Variants in SYT17 observed in about 807,000 individuals in gnomAD.
SYT17 encodes synaptotagmin-17.
SYT17 carries 22 observed loss-of-function variants against 46.7 expected under a neutral mutation model. The ratio of observed to expected loss-of-function variants is 0.47; its 90% confidence interval spans 0.34 to 0.67. SYT17 has a LOEUF of 0.67. Ranked by LOEUF, SYT17 falls within the 30% of genes least tolerant of loss-of-function variation. The pLI is 0.01. For synonymous variants in SYT17, 251 were observed against 248.4 expected, an observed-to-expected ratio of 1.01 and a Z score of -0.10; for missense variants, 519 against 612.8, an observed-to-expected ratio of 0.85 and a Z score of 1.62.
At chr16:19,248,109 A>T (rs1057358296) in intron 7 of SYT17, among the ~76,000 whole-genome samples, 2 of 152,230 alleles carry the variant, frequency 1.3e-5, no homozygotes, top group Non-Finnish European at 2.9e-5. Flanking sequence ...ATAGCAAAGA[A>T]GCATATGAAA....
chr16:19,250,913 C>A (rs1597028855), intron 7 of SYT17, among the ~76,000 whole-genome samples: 1 of 152,290 alleles, frequency 6.6e-6, no homozygotes, highest in East Asian at 1.9e-4. Flanking sequence ...TCATCCTGAC[C>A]TTTCCTGCCA....
chr16:19,232,721 C>T (rs1255543940), intron 7 of SYT17, among the ~76,000 whole-genome samples: 1 of 151,996 alleles, frequency 6.6e-6, no homozygotes, highest in Non-Finnish European at 1.5e-5. Context: ...GTCCCAGCTG[C>T]TCGGGAGGCT....
chr16:19,195,430 G>A (rs1460168535), intron 5 of SYT17, among the ~76,000 whole-genome samples: 1 of 149,870 alleles, frequency 6.7e-6, no homozygotes, highest in African/African-American at 2.5e-5. Flanking sequence ...AGATTGGGGA[G>A]TGGGGGCAGG....
rs940387375 is a variant in SYT17, at chr16:19,184,206, T to A, written c.951+59T>A. The A allele has an allele frequency of 5.8e-5, 88 of 1,522,764 alleles. No homozygotes were observed. The African/African-American group carries it at 8.4e-4, about 15-fold the overall frequency. The allele number at this position is 1,522,764 out of a possible 1,614,324, so 94.3% of individuals were successfully genotyped here. On this transcript the variant is annotated intron_variant, in intron 5 of 7. Transcript: ENST00000355377. ...AGCTTTTTTAAAAAGTGATTATTTT[T>A]ATTTTATTTTACTGTTTAAAAGGCT...
chr16:19,267,025 G>A lies in SYT17; in HGVS notation c.1374G>A (p.Arg458=). 6 of 1,612,702 alleles carry A rather than the reference G, an allele frequency of 3.7e-6. No homozygotes were observed. The South Asian group carries it at 6.6e-5, about 18-fold the overall frequency. The change falls in exon 8 of 8, where the codon AGG becomes AGA. Residue 458 remains arginine (R), a synonymous_variant. Coordinates refer to ENST00000355377, the MANE Select transcript of SYT17 (RefSeq NM_016524.4). ...CCGTGGAGCAGTGGCATAGCCTGAG[G>A]TCCCGAGCTGAGTGTGACCGCGTGT... ...RTAVEQWHSL[R]SRAECDRVSP...
chr16:19,264,379 G>C (rs1002564932), intron 7 of SYT17, among the ~76,000 whole-genome samples: 1 of 152,140 alleles, frequency 6.6e-6, no homozygotes, highest in Non-Finnish European at 1.5e-5. Flanking sequence ...GGAGGCTCTA[G>C]TTTGCCCATT....
intron 7 of SYT17, among the ~76,000 whole-genome samples, chr16:19,258,196 A>G (rs1179761184): frequency 1.3e-5 from 2 of 152,146 alleles, no homozygotes; most frequent in African/African-American, 4.8e-5. Flanking sequence ...TTCACCCTCT[A>G]GAACTCACTC....
chr16:19,173,479 G>T lies in SYT17; in HGVS notation c.83G>T (p.Arg28Leu). The T allele has an allele frequency of 1.9e-6, 3 of 1,561,968 alleles. No homozygotes were observed. Among genetic ancestry groups the T allele is most frequent in the Non-Finnish European group, 2.6e-6 (3 of 1,147,370 alleles). ...CTGCTGCTGTGCAGATGGACCTGCCGGCACTGCTGTCAGAAGTGCTACGAG... is the reference window on the plus strand; with the variant it reads ...CTGCTGCTGTGCAGATGGACCTGCCTGCACTGCTGTCAGAAGTGCTACGAG... ...SGLLLCRWTCRHCCQKCYESS... is the reference protein window; with the variant it reads ...SGLLLCRWTCLHCCQKCYESS... Residue 28 changes from arginine to leucine, a missense_variant, in exon 3 of 8, where the codon CGG becomes CTG. By Grantham distance (102) the Arg-to-Leu change is moderately radical. Coordinates refer to ENST00000355377, the MANE Select transcript of SYT17 (RefSeq NM_016524.4).
intron 7 of SYT17, among the ~76,000 whole-genome samples, chr16:19,230,049 T>TG (rs1250592685): frequency 1.3e-5 from 2 of 152,040 alleles, no homozygotes; most frequent in Non-Finnish European, 2.9e-5. Context: ...TATCAGGGGC[T>TG]GGGGGAAGGA....
intron 7 of SYT17, among the ~76,000 whole-genome samples, chr16:19,227,385 G>A (rs564563387): frequency 2.0e-5 from 3 of 147,310 alleles, no homozygotes; most frequent in African/African-American, 2.5e-5. Context: ...GCATGATCTC[G>A]GCTCACTGCA....
chr16:19,229,491 T>C (rs376165187), intron 7 of SYT17, among the ~76,000 whole-genome samples: 1 of 152,140 alleles, frequency 6.6e-6, no homozygotes, highest in African/African-American at 2.4e-5. Flanking sequence ...CCAAGGGAGA[T>C]GATGCTAAAC....
chr16:19,222,876 A>G (rs1317164315), intron 5 of SYT17, among the ~76,000 whole-genome samples, 169 bp from the exon 6 acceptor site: 1 of 152,196 alleles, frequency 6.6e-6, no homozygotes, highest in Non-Finnish European at 1.5e-5. Flanking sequence ...TAGATGGACC[A>G]CAATAATTAG....
intron 5 of SYT17, among the ~76,000 whole-genome samples, chr16:19,199,516 G>T (rs1965380169): frequency 1.3e-5 from 2 of 152,140 alleles, no homozygotes; most frequent in Admixed American, 1.3e-4. Flanking sequence ...CAAGGCAGGA[G>T]GATGCTTGAG....
intron 5 of SYT17, among the ~76,000 whole-genome samples, chr16:19,212,469 A>C (rs1482579902): frequency 1.3e-5 from 2 of 152,090 alleles, no homozygotes; most frequent in Non-Finnish European, 2.9e-5. Flanking sequence ...AAAAATACAA[A>C]AATTAGCTGG....
intron 5 of SYT17, among the ~76,000 whole-genome samples, chr16:19,192,942 T>C (rs578131807): frequency 6.6e-6 from 1 of 152,258 alleles, no homozygotes; most frequent in Admixed American, 6.5e-5. Context: ...GGCCCATGAA[T>C]CTGCACTTGA....
At chr16:19,232,583 C>T (rs1280001436) in intron 7 of SYT17, among the ~76,000 whole-genome samples, 1 of 152,114 alleles carries the variant, frequency 6.6e-6, no homozygotes, top group Admixed American at 6.5e-5. Context: ...CTAATCCCAG[C>T]ACTTTGAGAG....
chr16:19,181,108 C>G (rs1324128723), intron 4 of SYT17, among the ~76,000 whole-genome samples: 1 of 152,182 alleles, frequency 6.6e-6, no homozygotes, highest in Admixed American at 6.5e-5. Context: ...ATTGGGGGCT[C>G]CGTATTGTCT....
chr16:19,256,043 A>C (rs891972934), intron 7 of SYT17, among the ~76,000 whole-genome samples: 10 of 152,212 alleles, frequency 6.6e-5, no homozygotes, highest in Admixed American at 2.0e-4. Context: ...TCATGCTATC[A>C]GTGTGTGCCC....
intron 5 of SYT17, among the ~76,000 whole-genome samples, chr16:19,185,381 G>A (rs553195712): frequency 3.9e-5 from 6 of 152,158 alleles, no homozygotes; most frequent in Admixed American, 1.3e-4. Context: ...GAGTCTAGGC[G>A]TTCAAGACCA....
Sources: allele counts gnomAD v4.1 joint callset (sites outside exome capture counted in the v4.1 genomes callset), GRCh38; gene constraint gnomAD v4.1.1; transcripts MANE v1.5; gene names NCBI Gene and HGNC (gene_info 2026-07-23, HGNC 2026-07-21).